KIAA1217: variants seen among roughly 807,000 people sequenced by gnomAD.
KIAA1217 encodes the protein sickle tail protein homolog.
A neutral mutation model predicts 163.9 loss-of-function variants in KIAA1217; 88 were observed. That is an observed-to-expected ratio of 0.54 (90% CI 0.45 to 0.64). The LOEUF (loss-of-function observed/expected upper bound fraction) is 0.64, where lower values mean the gene tolerates loss of function less well. Among genes scored for constraint, KIAA1217 ranks in the 30% least tolerant of loss-of-function variants. The probability of loss-of-function intolerance (pLI) is 0.00; values close to 1 mark genes in which losing one functional copy is unlikely to be tolerated. For synonymous variants in KIAA1217, 903 were observed against 923.1 expected (o/e 0.98, Z 0.39); for missense variants, 2,372 against 2,475.0 (o/e 0.96, Z 0.88).
intron 1 of KIAA1217, among the ~76,000 whole-genome samples, chr10:23,971,669 A>G (rs1296157810): frequency 6.6e-6 from 1 of 152,206 alleles, no homozygotes; most frequent in East Asian, 1.9e-4. Flanking sequence ...TTACCCTAAA[A>G]TTTATTTTTT....
intron 2 of KIAA1217, among the ~76,000 whole-genome samples, chr10:24,362,643 C>T (rs181114361): frequency 2.6e-5 from 4 of 152,246 alleles, no homozygotes; most frequent in Admixed American, 2.0e-4. Context: ...GGTTAGTCTC[C>T]TAACTGGTTA....
intron 6 of KIAA1217, among the ~76,000 whole-genome samples, chr10:24,485,574 G>T (rs1425887974): frequency 6.6e-6 from 1 of 152,170 alleles, no homozygotes; most frequent in Non-Finnish European, 1.5e-5. Context: ...CCAGATGTAA[G>T]TTCCATGAGG....
At chr10:23,967,614 A>T (rs1845120972) in intron 1 of KIAA1217, among the ~76,000 whole-genome samples, 1 of 152,204 alleles carries the variant, frequency 6.6e-6, no homozygotes, top group Non-Finnish European at 1.5e-5. Context: ...GGGAAATAGC[A>T]TCCCTCTACT....
chr10:24,194,600 G>A (rs971192978), intron 2 of KIAA1217, among the ~76,000 whole-genome samples: 1 of 151,180 alleles, frequency 6.6e-6, no homozygotes, highest in Non-Finnish European at 1.5e-5. Flanking sequence ...TTTGGAGACA[G>A]TCTCGCTCTG....
intron 1 of KIAA1217, among the ~76,000 whole-genome samples, chr10:23,762,916 A>G (rs1174015088): frequency 1.3e-5 from 2 of 152,212 alleles, no homozygotes; most frequent in East Asian, 1.9e-4. Context: ...AACTTCAACA[A>G]TGTCTCAGGA....
intron 3 of KIAA1217, among the ~76,000 whole-genome samples, chr10:24,427,449 C>T (rs550523516): frequency 6.6e-6 from 1 of 152,288 alleles, no homozygotes; most frequent in Admixed American, 6.5e-5. Context: ...GAGAGCATGG[C>T]ATCTATGAAT....
chr10:24,085,985 T>G (rs1487942313), intron 2 of KIAA1217, among the ~76,000 whole-genome samples: 2 of 145,890 alleles, frequency 1.4e-5, no homozygotes, highest in African/African-American at 2.6e-5. Context: ...AAAAAAAAAG[T>G]GTTTGTTGAG....
At chr10:24,200,804 C>A (rs113863587) in intron 2 of KIAA1217, among the ~76,000 whole-genome samples, 1,743 of 152,184 alleles carry the variant, frequency 0.011, 29 homozygotes, top group African/African-American at 0.04. Flanking sequence ...AAGGAAGCAT[C>A]CCCAGCTGCC....
chr10:24,458,982 G>A (rs112351322), intron 5 of KIAA1217, among the ~76,000 whole-genome samples: 1 of 152,042 alleles, frequency 6.6e-6, no homozygotes, highest in African/African-American at 2.4e-5. Flanking sequence ...TATCACCTGG[G>A]GACTTGTTAG....
At chr10:24,385,301 G>A (rs2053859892) in intron 3 of KIAA1217, among the ~76,000 whole-genome samples, 1 of 152,184 alleles carries the variant, frequency 6.6e-6, no homozygotes, top group Non-Finnish European at 1.5e-5. Flanking sequence ...TTGGGGGCTG[G>A]GAGAAATGCA....
intron 6 of KIAA1217, among the ~76,000 whole-genome samples, chr10:24,480,692 T>C (rs928182932): frequency 2.0e-5 from 3 of 152,156 alleles, no homozygotes; most frequent in Admixed American, 6.6e-5. Flanking sequence ...TAAAGAGGAA[T>C]GTAAATACAC....
intron 3 of KIAA1217, among the ~76,000 whole-genome samples, chr10:24,397,226 T>C (rs904502450): frequency 6.6e-6 from 1 of 150,926 alleles, no homozygotes; most frequent in African/African-American, 2.4e-5. Context: ...AATTCTCCTG[T>C]CTACAGGCAT....
chr10:24,014,312 G>C (rs1247684408), intron 2 of KIAA1217, among the ~76,000 whole-genome samples: 1 of 152,118 alleles, frequency 6.6e-6, no homozygotes, highest in Non-Finnish European at 1.5e-5. Context: ...GCTACCATTG[G>C]AGAAACTATG....
intron 2 of KIAA1217, among the ~76,000 whole-genome samples, chr10:24,097,805 T>G (rs2062221318): frequency 6.6e-6 from 1 of 152,178 alleles, no homozygotes; most frequent in Non-Finnish European, 1.5e-5. Flanking sequence ...GTGAAATCAT[T>G]ATTTATGCAG....
intron 2 of KIAA1217, among the ~76,000 whole-genome samples, chr10:24,168,206 A>G (rs1221440050): frequency 6.6e-6 from 1 of 152,204 alleles, no homozygotes; most frequent in African/African-American, 2.4e-5. Context: ...ATTCATCACA[A>G]TGATAAAAAT....
chr10:23,993,870 G>A (rs757132722), intron 1 of KIAA1217, among the ~76,000 whole-genome samples: 12 of 151,998 alleles, frequency 7.9e-5, no homozygotes, highest in Non-Finnish European at 1.0e-4. Context: ...ATGAGCAACC[G>A]CACCCAGTCT....
At chr10:24,393,210 A>G (rs1042447206) in intron 3 of KIAA1217, among the ~76,000 whole-genome samples, 8 of 152,216 alleles carry the variant, frequency 5.3e-5, no homozygotes, top group Admixed American at 1.3e-4. Flanking sequence ...GATTTAGGGC[A>G]GTTTCTCATA....
At chr10:23,703,490 A>G (rs1463833174) in intron 1 of KIAA1217, among the ~76,000 whole-genome samples, 1 of 152,132 alleles carries the variant, frequency 6.6e-6, no homozygotes, top group East Asian at 1.9e-4. Context: ...TTTATTTGAG[A>G]TACGCTGGCT....
At chr10:24,060,960 A>G (rs1351044698) in intron 2 of KIAA1217, among the ~76,000 whole-genome samples, 1 of 152,104 alleles carries the variant, frequency 6.6e-6, no homozygotes, top group Non-Finnish European at 1.5e-5. Context: ...ATTTGTTGTA[A>G]AAGGTTGCTC....
Sources: allele counts gnomAD v4.1 joint callset (sites outside exome capture counted in the v4.1 genomes callset), GRCh38; gene constraint gnomAD v4.1.1; transcripts MANE v1.5; gene names NCBI Gene and HGNC (gene_info 2026-07-23, HGNC 2026-07-21).